The following EP300 variants were observed in gnomAD, a reference collection of about 807,000 sequenced individuals.
EP300 encodes histone acetyltransferase p300.
In EP300, 31 loss-of-function variants were observed where a neutral mutation model predicts 264.0. The ratio of observed to expected loss-of-function variants is 0.12; its 90% CI spans 0.09 to 0.16. The LOEUF (loss-of-function observed/expected upper bound fraction) is 0.16, where lower values mean the gene tolerates loss of function less well. Ranked by LOEUF, EP300 falls within the 10% of genes least tolerant of loss-of-function variation. EP300 has a pLI of 1.00. For missense variants in EP300, 2,766 were observed against 3,052.9 expected (o/e 0.91, Z 2.21); for synonymous variants, 1,340 against 1,045.4 (o/e 1.28, Z -5.44).
chr22:41,107,534 A>T (rs2145684021), intron 1 of EP300, among the ~76,000 whole-genome samples: 1 of 152,278 alleles, frequency 6.6e-6, no homozygotes, highest in East Asian at 1.9e-4. Flanking sequence ...AGTAACTAGA[A>T]AATTGTCTGA....
chr22:41,129,954 T>C lies in EP300; in HGVS notation c.1233T>C (p.Cys411=). ...GGAAGAATTGTACAAGACATGATTG[T>C]CCTGTGTGTCTCCCCCTCAAAAATG... The part of the protein sequence containing the change: ...SHWKNCTRHD[C]PVCLPLKNAG... Residue 411 remains cysteine, a synonymous_variant, in exon 5 of 31, where the codon TGT becomes TGC. Transcript: ENST00000263253. 6.2e-7 allele frequency: 1 copy of C among 1,614,062 alleles called. No homozygotes were observed. Among genetic ancestry groups the C allele is most frequent in the East Asian group, 2.2e-5 (1 of 44,872 alleles).
At chr22:41,161,995 T>C (rs1401154845) in intron 20 of EP300, among the ~76,000 whole-genome samples, 4 of 152,204 alleles carry the variant, frequency 2.6e-5, no homozygotes, top group African/African-American at 7.2e-5. Flanking sequence ...CATTGAACTC[T>C]CAGGTGGCTT....
rs539395098 is a variant in EP300 at position 41,158,510 on chromosome 22, G to A, written c.3590+10G>A. ...ACAGTTACCAGAACAGGTAAGCTTGGCCAGGTGTGGACCATGGTCCATGTG... is the reference window on the plus strand; with the variant it reads ...ACAGTTACCAGAACAGGTAAGCTTGACCAGGTGTGGACCATGGTCCATGTG... On this transcript the variant is annotated intron_variant, in intron 19 of 30. Transcript: ENST00000263253. 2 of 1,612,722 alleles carry A rather than the reference G, an allele frequency of 1.2e-6. No homozygotes were observed. Among genetic ancestry groups the A allele is most frequent in the East Asian group, 2.2e-5 (1 of 44,878 alleles).
chr22:41,118,307 T>A (rs2058832709), intron 2 of EP300, among the ~76,000 whole-genome samples: 1 of 151,946 alleles, frequency 6.6e-6, no homozygotes, highest in Non-Finnish European at 1.5e-5. Flanking sequence ...ACAGTGTAGA[T>A]GTTTCAGTGA....
intron 1 of EP300, among the ~76,000 whole-genome samples, chr22:41,112,792 C>T (rs1601595551): frequency 6.6e-6 from 1 of 151,110 alleles, no homozygotes; most frequent in Non-Finnish European, 1.5e-5. Flanking sequence ...GTAAACAATT[C>T]GGATATGGTG....
intron 11 of EP300, among the ~76,000 whole-genome samples, chr22:41,147,186 A>G (rs1421440733): frequency 1.3e-5 from 2 of 152,034 alleles, no homozygotes; most frequent in Non-Finnish European, 2.9e-5. Flanking sequence ...CGGGCCTGTA[A>G]TCCCATTTAC....
chr22:41,106,245 G>A (rs895158795), intron 1 of EP300, among the ~76,000 whole-genome samples: 3 of 152,142 alleles, frequency 2.0e-5, no homozygotes, highest in Non-Finnish European at 4.4e-5. Context: ...TGTAAGAGTA[G>A]GAGTGTCCAA....
rs770531865 is a variant in EP300, at chr22:41,177,101, A to C, written c.5390A>C (p.Gln1797Pro). ...TGCTGCTACCATGCCAAGCACTGCC[A>C]GGAGAACAAATGCCCGGTGCCGTTC... Reference protein sequence around the residue: ...ALCCYHAKHCQENKCPVPFCL... With the variant: ...ALCCYHAKHCPENKCPVPFCL... The change falls in exon 31 of 31, where the codon CAG becomes CCG. Residue 1797 changes from glutamine to proline, a missense_variant. By Grantham distance (76) the Gln-to-Pro change is moderately conservative. Coordinates refer to ENST00000263253, the MANE Select transcript of EP300 (RefSeq NM_001429.4). 3 of 1,614,132 alleles carry C rather than the reference A, an allele frequency of 1.9e-6. No homozygotes were observed. The highest frequency in any genetic ancestry group is 2.5e-6 in the Non-Finnish European group (3 of 1,180,018).
At position 41,151,827 on chromosome 22, in the gene EP300, G is replaced by T. The variant is rs757873635; in HGVS notation, c.2818-6G>T. ...TCTCACCTACTTCCCTTTTTTTTCT[G>T]CCCAGCTTTCCCAGCCAGCTGTAAG... On this transcript the variant is annotated splice_polypyrimidine_tract_variant and splice_region_variant and intron_variant, in intron 14 of 30. Transcript: ENST00000263253. 1 of 1,612,726 alleles carries T rather than the reference G, an allele frequency of 6.2e-7. No individual in the cohort carries two copies. The highest frequency in any genetic ancestry group is 1.1e-5 in the South Asian group (1 of 91,002).
At chr22:41,144,325 GT>G (rs2058998903) in intron 10 of EP300, among the ~76,000 whole-genome samples, 1 of 152,012 alleles carries the variant, frequency 6.6e-6, no homozygotes, top group Non-Finnish European at 1.5e-5. Context: ...GGACATTTTT[GT>G]TTGTGTATAT....
At chr22:41,130,832 A>G (rs1427764406) in intron 5 of EP300, among the ~76,000 whole-genome samples, 11 of 152,016 alleles carry the variant, frequency 7.2e-5, no homozygotes, top group Non-Finnish European at 1.3e-4. Context: ...AGAAAAGACG[A>G]GATTAACACT....
intron 9 of EP300, among the ~76,000 whole-genome samples, chr22:41,140,809 G>A (rs890972119): frequency 3.3e-5 from 5 of 152,138 alleles, no homozygotes; most frequent in African/African-American, 1.2e-4. Context: ...GTGGGGTGGT[G>A]CTGAGCTGTT....
At chr22:41,138,404 T>G (rs1601611904) in intron 8 of EP300, among the ~76,000 whole-genome samples, 1 of 152,140 alleles carries the variant, frequency 6.6e-6, no homozygotes, top group Admixed American at 6.6e-5. Context: ...CATCAAGTGA[T>G]CCGCCTGCCT....
intron 1 of EP300, among the ~76,000 whole-genome samples, chr22:41,110,117 G>GGCCC (rs1332250880): frequency 4.6e-5 from 3 of 65,512 alleles, no homozygotes; most frequent in Non-Finnish European, 8.5e-5. Flanking sequence ...CCTGTTCCCT[G>GGCCC]CCCCCCCCCC....
At chr22:41,134,799 T>C (rs909693476) in intron 6 of EP300, among the ~76,000 whole-genome samples, 2 of 152,252 alleles carry the variant, frequency 1.3e-5, no homozygotes, top group African/African-American at 2.4e-5. Context: ...TCTTCTGTAT[T>C]GAAAATAACA....
Position 41,177,017 on chromosome 22 carries a change from A to G in EP300, c.5306A>G (p.Lys1769Arg), listed in dbSNP as rs2059204519. ...QKMKRVVQHT[K>R]GCKRKTNGGC... ...ATGAAGCGGGTTGTGCAGCATACCA[A>G]GGGTTGCAAACGGAAAACCAATGGC... Residue 1769 changes from lysine (K) to arginine (R), a missense_variant, in exon 31 of 31, where the codon AAG becomes AGG. Transcript: ENST00000263253. 1.9e-6 allele frequency: 3 copies of G among 1,614,028 alleles called. No individual in the cohort carries two copies. The highest frequency in any genetic ancestry group is 2.7e-5 in the African/African-American group (2 of 74,894).
Position 41,137,538 on chromosome 22 carries a change from G to A in EP300, c.1623-115G>A, listed in dbSNP as rs140424335. Reference sequence around the variant, plus strand: ...TTCTCCCTGCCTAGCTCCTTAATGCGAATAGAAGTGACATAGCATATTGAT... The same window carrying A: ...TTCTCCCTGCCTAGCTCCTTAATGCAAATAGAAGTGACATAGCATATTGAT... On this transcript the variant is annotated intron_variant, in intron 7 of 30. Transcript: ENST00000263253. 209 of 1,396,062 alleles carry A rather than the reference G, an allele frequency of 1.5e-4. No homozygotes were observed. The African/African-American group carries it at 2.7e-3, about 18-fold the overall frequency. 86.5% of individuals were successfully genotyped at this position (1,396,062 alleles called of 1,614,324 possible). A position where few individuals can be genotyped will look rare whatever the true frequency, so the allele number is the denominator to read the frequency against.
chr22:41,163,340 CAGG>C (rs1332702021), intron 21 of EP300, among the ~76,000 whole-genome samples: 1 of 147,336 alleles, frequency 6.8e-6, no homozygotes, highest in Non-Finnish European at 1.5e-5. Flanking sequence ...GAGGCTGAGG[CAGG>C]AGAATGGCGT....
Position 41,093,070 on chromosome 22 carries a change from C to A in EP300, c.66C>A (p.Ala22=). The stretch of plus-strand genomic sequence containing the variant: ...AGCGGCCTAAACTCTCATCTCCGGC[C>A]CTCTCGGCGTCCGCCAGCGATGGCA... ...SAKRPKLSSP[A]LSASASDGTD... is the part of the protein sequence containing the mutation. The change falls in exon 1 of 31, where the codon GCC becomes GCA. Residue 22 remains alanine, a synonymous_variant. Transcript: ENST00000263253. The A allele has an allele frequency of 1.2e-6, 2 of 1,614,104 alleles. No homozygotes were observed. The highest frequency in any genetic ancestry group is 1.7e-6 in the Non-Finnish European group (2 of 1,180,036).
Sources: allele counts gnomAD v4.1 joint callset (sites outside exome capture counted in the v4.1 genomes callset), GRCh38; gene constraint gnomAD v4.1.1; transcripts MANE v1.5; gene names NCBI Gene and HGNC (gene_info 2026-07-23, HGNC 2026-07-21).